Variants in SYNE3 observed in about 807,000 individuals in gnomAD.
SYNE3 encodes spectrin repeat containing nuclear envelope family member 3.
Under a neutral mutation model 111.2 loss-of-function variants are expected in SYNE3, and 100 were observed. That is an observed-to-expected ratio of 0.90 (90% confidence interval 0.77 to 1.06). The LOEUF (loss-of-function observed/expected upper bound fraction) is 1.06. Among genes scored for constraint, SYNE3 ranks in the 50% least tolerant of loss-of-function variants. The pLI is 0.00. For synonymous variants in SYNE3, 547 were observed against 533.9 expected (o/e 1.02, Z -0.34); for missense variants, 1,160 against 1,240.3 (o/e 0.94, Z 0.97).
chr14:95,511,483 G>A (rs1444384889), intron 1 of SYNE3, among the ~76,000 whole-genome samples: 1 of 152,034 alleles, frequency 6.6e-6, no homozygotes, highest in Non-Finnish European at 1.5e-5. Context: ...GGTGGATCAC[G>A]AGGTCAGGAG....
chr14:95,426,054 T>C (rs941891596), intron 17 of SYNE3, among the ~76,000 whole-genome samples: 3 of 151,596 alleles, frequency 2.0e-5, no homozygotes, highest in Admixed American at 6.6e-5. Flanking sequence ...TTCAGAGGAG[T>C]TGTGGGGTGG....
At position 95,485,123 on chromosome 14, in the gene SYNE3, G is replaced by C. The variant is rs1454398371; in HGVS notation, c.-14-9288C>G. ...AACAGATGATTCTAACCATGGGCGT[G>C]AGTGTGTATTTGGCAAATTCATCCA... On this transcript the variant is annotated intron_variant, in intron 1 of 17. Transcript: ENST00000682763. The surrounding 1 kb of genome is among the most constrained non-coding windows in gnomAD (Gnocchi z 4.3). Among the ~76,000 whole-genome samples the C allele has an allele frequency of 6.6e-6, 1 of 152,186 alleles. No individual in the cohort carries two copies. Among genetic ancestry groups the C allele is most frequent in the Non-Finnish European group, 1.5e-5 (1 of 68,038 alleles).
At chr14:95,423,681 T>G (rs186437284) in intron 17 of SYNE3, among the ~76,000 whole-genome samples, 539 of 72,714 alleles carry the variant, frequency 7.4e-3, no homozygotes, top group African/African-American at 0.016. Context: ...GATGGGGATT[T>G]GATGGGGATG....
chr14:95,431,796 C>T (rs947532365), intron 17 of SYNE3, among the ~76,000 whole-genome samples: 4 of 152,220 alleles, frequency 2.6e-5, no homozygotes, highest in Admixed American at 2.6e-4. Context: ...CCCAGCGTGT[C>T]CTGATTTAGG....
intron 7 of SYNE3, 92 bp downstream of exon 7, chr14:95,452,155 G>A (rs1887125243): frequency 2.2e-5 from 31 of 1,422,426 alleles, no homozygotes; most frequent in Non-Finnish European, 2.7e-5. Flanking sequence ...AAGTTACTAT[G>A]TTGTAGGAGA....
intron 17 of SYNE3, among the ~76,000 whole-genome samples, chr14:95,429,482 C>T (rs1289883615): frequency 6.6e-6 from 1 of 152,164 alleles, no homozygotes; most frequent in African/African-American, 2.4e-5. Context: ...CACCCTAAAA[C>T]TGATGAATCG....
intron 7 of SYNE3, 88 bp from the exon 8 acceptor site, chr14:95,450,193 C>G: frequency 1.4e-6 from 2 of 1,458,546 alleles, no homozygotes; most frequent in Non-Finnish European, 1.8e-6. Context: ...CCTCAAGAGG[C>G]CCAGCATGCA....
At chr14:95,476,837 C>T (rs181087662) in intron 1 of SYNE3, among the ~76,000 whole-genome samples, 64 of 152,324 alleles carry the variant, frequency 4.2e-4, no homozygotes, top group African/African-American at 1.5e-3. Flanking sequence ...CATCAAAAAA[C>T]TCAACATGGC....
At chr14:95,436,251 G>A (rs906031463) in intron 15 of SYNE3, among the ~76,000 whole-genome samples, 15 of 152,168 alleles carry the variant, frequency 9.9e-5, no homozygotes, top group African/African-American at 2.7e-4. Flanking sequence ...TTAATGTTAT[G>A]CTGGCTCCTA....
At chr14:95,513,974 C>G (rs1890818213) in intron 1 of SYNE3, among the ~76,000 whole-genome samples, 1 of 151,872 alleles carries the variant, frequency 6.6e-6, no homozygotes, top group African/African-American at 2.4e-5. Context: ...CGCTGGATAT[C>G]AGCCTTCTCA....
Position 95,412,333 on chromosome 14 carries a change from C to T in SYNE3, c.*5493G>A, listed in dbSNP as rs972722247. ...CTCTGGAAAGGCAGATGGGCAAAGT[C>T]AAGGGCAATGACTGCAATCCCGTTG... On this transcript the variant is annotated 3_prime_UTR_variant, in exon 18 of 18. Coordinates refer to ENST00000682763, the MANE Select transcript of SYNE3 (RefSeq NM_152592.6). 1 of 152,316 alleles carries T rather than the reference C, an allele frequency of 6.6e-6. No homozygotes were observed. Among genetic ancestry groups the T allele is most frequent in the Non-Finnish European group, 1.5e-5 (1 of 68,106 alleles). The allele number at this position is 152,316 out of a possible 1,614,324, so 9.4% of individuals were successfully genotyped here.
At chr14:95,502,762 A>G (rs1890383800) in intron 1 of SYNE3, among the ~76,000 whole-genome samples, 1 of 152,192 alleles carries the variant, frequency 6.6e-6, no homozygotes, top group East Asian at 1.9e-4. Flanking sequence ...GCTACTCACA[A>G]TCTTGACATC....
At chr14:95,516,433 C>A (rs908578317) in intron 1 of SYNE3, among the ~76,000 whole-genome samples, 163 bp downstream of exon 1, 9 of 152,034 alleles carry the variant, frequency 5.9e-5, no homozygotes, top group African/African-American at 2.2e-4. Flanking sequence ...CCGGGGCCCC[C>A]GCCCCCGCGC....
At chr14:95,423,333 C>G (rs184451451) in intron 17 of SYNE3, among the ~76,000 whole-genome samples, 1,990 of 152,318 alleles carry the variant, frequency 0.013, 26 homozygotes, top group African/African-American at 0.029. Context: ...CTCCTCCCGC[C>G]ACTTCCCTTC....
In SYNE3 at chr14:95,427,990, G is replaced by A. The variant is rs370419820; in HGVS notation, c.2727+4089C>T. On this transcript the variant is annotated intron_variant, in intron 17 of 17. Coordinates refer to ENST00000682763, the MANE Select transcript of SYNE3 (RefSeq NM_152592.6). ...TTCAATCTAAGACGCTGATTATAAA[G>A]TGCACCATTATTTTACAAACCGCTA... is the stretch of plus-strand genomic sequence containing the variant. 2.0e-5 allele frequency among the ~76,000 whole-genome samples: 3 copies of A among 152,186 alleles called. 1 individual carries two copies. The highest frequency in any genetic ancestry group is 3.8e-4 in the East Asian group (2 of 5,196).
intron 2 of SYNE3, among the ~76,000 whole-genome samples, chr14:95,472,617 T>A (rs767755426): frequency 6.6e-6 from 1 of 152,170 alleles, no homozygotes; most frequent in Non-Finnish European, 1.5e-5. Flanking sequence ...AGGCAGCAGC[T>A]ATCACTCTCC....
intron 14 of SYNE3, 47 bp downstream of exon 14, chr14:95,438,985 GA>G (rs1163380125): frequency 6.2e-7 from 1 of 1,608,892 alleles, no homozygotes; most frequent in Non-Finnish European, 8.5e-7. Context: ...CCCACCTCTT[GA>G]CCTGGGGCCT....
chr14:95,515,904 G>T (rs1233575158), intron 1 of SYNE3, among the ~76,000 whole-genome samples: 1 of 152,190 alleles, frequency 6.6e-6, no homozygotes, highest in South Asian at 2.1e-4. Context: ...TGACCAATGG[G>T]CCACATCAAT....
Position 95,446,026 on chromosome 14 carries a change from G to A in SYNE3, c.1515C>T (p.Leu505=). Residue 505 remains leucine (L), a synonymous_variant, in exon 9 of 18, where the codon CTC becomes CTT. Transcript: ENST00000682763. ...LLTMLQLKKD[L]LIGIFGQERA... is the part of the protein sequence containing the mutation. ...TCTCCTGGCCAAAGATGCCAATCAG[G>A]AGGTCTTTCTTCAGCTGCAGCATCG... 6.2e-7 allele frequency: 1 copy of A among 1,614,138 alleles called. No individual in the cohort carries two copies. The highest frequency in any genetic ancestry group is 2.2e-5 in the East Asian group (1 of 44,874).
Sources: gnomAD v4.1 joint callset for allele counts (sites outside exome capture counted in the v4.1 genomes callset) on GRCh38, gnomAD v4.1.1 for gene constraint, Gnocchi (gnomAD v3.1) non-coding constraint, MANE v1.5 for transcripts, NCBI Gene and HGNC (gene_info 2026-07-23, HGNC 2026-07-21) for gene names.